The following STAG1 variants were observed in gnomAD, a reference collection of about 807,000 sequenced individuals.
STAG1 encodes the protein cohesin subunit SA-1.
STAG1 carries 26 observed loss-of-function variants against 170.9 expected under a neutral mutation model. The observed-to-expected ratio is 0.15, with a 90% CI of 0.11 to 0.21. The LOEUF (loss-of-function observed/expected upper bound fraction) is 0.21, where lower values mean the gene tolerates loss of function less well. STAG1 is among the 10% of genes least tolerant of loss of function. The probability of loss-of-function intolerance (pLI) is 1.00; values close to 1 mark genes in which losing one functional copy is unlikely to be tolerated. For synonymous variants in STAG1, 514 were observed against 497.7 expected (o/e 1.03, Z -0.44); for missense variants, 964 against 1,509.5 (o/e 0.64, Z 5.99).
intron 29 of STAG1, among the ~76,000 whole-genome samples, chr3:136,344,468 C>G (rs1203789429): frequency 3.3e-5 from 5 of 152,062 alleles, no homozygotes; most frequent in African/African-American, 9.7e-5. Context: ...ATAAGCAAAT[C>G]CCCTTGCACA....
chr3:136,747,536 A>G (rs1472681052), intron 1 of STAG1, among the ~76,000 whole-genome samples: 1 of 151,924 alleles, frequency 6.6e-6, no homozygotes, highest in Non-Finnish European at 1.5e-5. Context: ...ACAAAATACA[A>G]AAATTAGCCG....
intron 1 of STAG1, among the ~76,000 whole-genome samples, chr3:136,686,014 G>A (rs1244923280): frequency 3.9e-5 from 6 of 152,170 alleles, no homozygotes; most frequent in Non-Finnish European, 8.8e-5. Flanking sequence ...TCAAGTATTG[G>A]TAAGCTCTGA....
At chr3:136,526,976 G>T (rs992046086) in intron 6 of STAG1, among the ~76,000 whole-genome samples, 1 of 152,152 alleles carries the variant, frequency 6.6e-6, no homozygotes, top group East Asian at 1.9e-4. Flanking sequence ...TTAGTCTGAT[G>T]GGCTTCCCTT....
At chr3:136,537,147 T>C (rs1416615676) in intron 6 of STAG1, among the ~76,000 whole-genome samples, 1 of 152,220 alleles carries the variant, frequency 6.6e-6, no homozygotes, top group Non-Finnish European at 1.5e-5. Flanking sequence ...ATTTTCTGTT[T>C]ACCTTTCTCA....
chr3:136,671,719 C>T (rs1470178444), intron 1 of STAG1, among the ~76,000 whole-genome samples: 3 of 151,770 alleles, frequency 2.0e-5, no homozygotes. Flanking sequence ...GGTGAAACCC[C>T]ATTTCTACAA....
At chr3:136,723,779 A>T (rs1455949756) in intron 1 of STAG1, among the ~76,000 whole-genome samples, 1 of 119,614 alleles carries the variant, frequency 8.4e-6, no homozygotes. Context: ...TCCGGGAAGG[A>T]GGTGGGGGGG....
chr3:136,461,021 T>C (rs1471649946), intron 13 of STAG1, among the ~76,000 whole-genome samples: 1 of 152,180 alleles, frequency 6.6e-6, no homozygotes, highest in African/African-American at 2.4e-5. Flanking sequence ...GACACAAAGA[T>C]AGTTTAACCA....
At chr3:136,465,051 T>C (rs2089412782) in intron 12 of STAG1, 63 bp from the exon 13 acceptor site, 2 of 1,272,484 alleles carry the variant, frequency 1.6e-6, no homozygotes, top group African/African-American at 1.5e-5. Flanking sequence ...TCTACTTTTA[T>C]TTAAACTTGC....
intron 22 of STAG1, among the ~76,000 whole-genome samples, chr3:136,381,394 G>A (rs996991100): frequency 5.3e-5 from 8 of 152,110 alleles, no homozygotes; most frequent in African/African-American, 1.4e-4. Flanking sequence ...ATGATATCCC[G>A]GAGGTAAGAA....
chr3:136,359,387 T>C (rs1936771845), intron 26 of STAG1, 91 bp from the exon 27 acceptor site: 1 of 907,114 alleles, frequency 1.1e-6, no homozygotes, highest in East Asian at 2.8e-5. Flanking sequence ...ATGTAAAAGG[T>C]ATAAGGTGAA....
intron 14 of STAG1, among the ~76,000 whole-genome samples, chr3:136,449,050 G>C (rs1314862869): frequency 5.3e-5 from 8 of 152,122 alleles, no homozygotes; most frequent in South Asian, 2.1e-4. Flanking sequence ...ATTCAGAGTA[G>C]AGCACAATTG....
chr3:136,646,763 G>A (rs1941033146), intron 1 of STAG1, among the ~76,000 whole-genome samples: 1 of 152,026 alleles, frequency 6.6e-6, no homozygotes, highest in South Asian at 2.1e-4. Context: ...AAAAGTAGCT[G>A]GGCATGGTGG....
chr3:136,361,343 A>G (rs1304673103), intron 26 of STAG1, among the ~76,000 whole-genome samples: 2 of 152,180 alleles, frequency 1.3e-5, no homozygotes, highest in Non-Finnish European at 2.9e-5. Flanking sequence ...GACTATTTCC[A>G]GTTTGTTACT....
chr3:136,457,563 C>T (rs974339544), intron 13 of STAG1, among the ~76,000 whole-genome samples: 1 of 152,096 alleles, frequency 6.6e-6, no homozygotes, highest in African/African-American at 2.4e-5. Context: ...CCTGGACCCA[C>T]TTTATGCACT....
At chr3:136,746,688 G>A (rs555537731) in intron 1 of STAG1, among the ~76,000 whole-genome samples, 106 of 152,190 alleles carry the variant, frequency 7.0e-4, no homozygotes, top group African/African-American at 2.4e-3. Flanking sequence ...CTCCTCAGTC[G>A]GGCGCAGTGG....
intron 6 of STAG1, among the ~76,000 whole-genome samples, chr3:136,537,040 A>G (rs1436385212): frequency 1.3e-5 from 2 of 152,172 alleles, no homozygotes; most frequent in Non-Finnish European, 2.9e-5. Context: ...ACATTTTTGC[A>G]TATTACAAAT....
chr3:136,665,091 T>G (rs1161082638), intron 1 of STAG1, among the ~76,000 whole-genome samples: 2 of 152,224 alleles, frequency 1.3e-5, no homozygotes, highest in Non-Finnish European at 2.9e-5. Context: ...TGTCTATTAC[T>G]GTCCCAACAC....
At chr3:136,567,355 C>T (rs1937121065) in intron 5 of STAG1, among the ~76,000 whole-genome samples, 2 of 152,220 alleles carry the variant, frequency 1.3e-5, no homozygotes, top group South Asian at 4.1e-4. Flanking sequence ...CCTCACTCAT[C>T]TCCATGCTCT....
At chr3:136,433,795 T>C (rs1201311317) in intron 15 of STAG1, 136 bp from the exon 16 acceptor site, 7 of 631,340 alleles carry the variant, frequency 1.1e-5, no homozygotes, top group Non-Finnish European at 1.3e-5. Flanking sequence ...GCTCTGTACT[T>C]TGCTATTTTT....
Sources: gnomAD v4.1 joint callset for allele counts (sites outside exome capture counted in the v4.1 genomes callset) on GRCh38, gnomAD v4.1.1 for gene constraint, MANE v1.5 for transcripts, NCBI Gene and HGNC (gene_info 2026-07-23, HGNC 2026-07-21) for gene names.